UBE2D1: variants seen among roughly 807,000 people sequenced by gnomAD.
UBE2D1 encodes ubiquitin-conjugating enzyme E2 D1.
In UBE2D1, 9 loss-of-function variants were observed where a neutral mutation model predicts 24.6. The observed-to-expected ratio is 0.37, with a 90% CI of 0.22 to 0.64. The LOEUF (loss-of-function observed/expected upper bound fraction) is 0.64, where lower values mean the gene tolerates loss of function less well. Ranked by LOEUF, UBE2D1 falls within the 30% of genes least tolerant of loss-of-function variation. The probability of loss-of-function intolerance (pLI) is 0.64; values close to 1 mark genes in which losing one functional copy is unlikely to be tolerated. For synonymous variants in UBE2D1, 57 were observed against 57.6 expected (o/e 0.99, Z 0.04); for missense variants, 87 against 177.1 (o/e 0.49, Z 2.89).
At chr10:58,358,221 A>G (rs1355135974) in intron 1 of UBE2D1, among the ~76,000 whole-genome samples, 1 of 152,158 alleles carries the variant, frequency 6.6e-6, no homozygotes, top group Admixed American at 6.5e-5. Flanking sequence ...AAATATGTAC[A>G]TGCAAGTCAT....
chr10:58,353,698 T>C (rs968919798), intron 1 of UBE2D1, among the ~76,000 whole-genome samples: 5 of 152,240 alleles, frequency 3.3e-5, no homozygotes, highest in African/African-American at 4.8e-5. Context: ...TCTTTTGATA[T>C]TCATTTTTGT....
chr10:58,361,347 G>C lies in UBE2D1; in HGVS notation c.34G>C (p.Asp12His). 1 of 1,614,200 alleles carries C rather than the reference G, an allele frequency of 6.2e-7. No individual in the cohort carries two copies. Among genetic ancestry groups the C allele is most frequent in the South Asian group, 1.1e-5 (1 of 91,080 alleles). ...TTTTGATTTCCTTCAGGAATTGAGT[G>C]ATCTACAGCGCGATCCACCTGCTCA... is the stretch of plus-strand genomic sequence containing the variant. ...ALKRIQKELS[D>H]LQRDPPAHCS... is the part of the protein sequence containing the mutation. The change falls in exon 2 of 7, where the codon GAT becomes CAT. Residue 12 changes from aspartate (D) to histidine (H), a missense_variant. Transcript: ENST00000373910.
Position 58,370,392 on chromosome 10 carries a change from C to T in UBE2D1, c.*1627C>T, listed in dbSNP as rs570298183. On this transcript the variant is annotated 3_prime_UTR_variant, in exon 7 of 7. Transcript: ENST00000373910. ...GTCATGGTTCATTATTATTAAAGCA[C>T]AAAATAACCTATTGTTAGAAAATAT... is the stretch of plus-strand genomic sequence containing the variant. 5.9e-5 allele frequency: 9 copies of T among 152,150 alleles called. No individual in the cohort carries two copies. The East Asian group carries it at 1.7e-3, about 29-fold the overall frequency. The allele number at this position is 152,150 out of a possible 1,614,324, so 9.4% of individuals were successfully genotyped here.
chr10:58,362,739 A>G (rs1319542701), intron 3 of UBE2D1, among the ~76,000 whole-genome samples: 1 of 152,086 alleles, frequency 6.6e-6, no homozygotes, highest in Non-Finnish European at 1.5e-5. Flanking sequence ...TGTTTAAACA[A>G]TATATATAGT....
chr10:58,342,009 C>T (rs898121989), intron 1 of UBE2D1, among the ~76,000 whole-genome samples: 1 of 152,184 alleles, frequency 6.6e-6, no homozygotes, highest in Admixed American at 6.5e-5. Context: ...TGTCTGAAGG[C>T]AGGACAGGTT....
At chr10:58,353,345 A>G (rs1840097684) in intron 1 of UBE2D1, among the ~76,000 whole-genome samples, 1 of 152,160 alleles carries the variant, frequency 6.6e-6, no homozygotes, top group African/African-American at 2.4e-5. Flanking sequence ...CAAACAAACA[A>G]AATCTCTGTC....
chr10:58,367,225 G>A (rs1026557117), intron 5 of UBE2D1, among the ~76,000 whole-genome samples: 3 of 152,050 alleles, frequency 2.0e-5, no homozygotes, highest in Admixed American at 1.3e-4. Context: ...CTCCTCAGAA[G>A]TGGTGGCATG....
intron 1 of UBE2D1, among the ~76,000 whole-genome samples, chr10:58,355,489 G>T (rs908808004): frequency 6.6e-6 from 1 of 152,118 alleles, no homozygotes; most frequent in Non-Finnish European, 1.5e-5. Flanking sequence ...TTTTGAGGAA[G>T]AATATAAATA....
At chr10:58,348,568 C>T (rs1456702644) in intron 1 of UBE2D1, among the ~76,000 whole-genome samples, 8 of 152,096 alleles carry the variant, frequency 5.3e-5, no homozygotes, top group East Asian at 1.9e-4. Context: ...GTAAGTCAGC[C>T]GCTTGCATGG....
At chr10:58,340,906 A>C (rs1360516428) in intron 1 of UBE2D1, among the ~76,000 whole-genome samples, 9 of 152,186 alleles carry the variant, frequency 5.9e-5, no homozygotes, top group Non-Finnish European at 1.3e-4. Context: ...AAATGGGTTT[A>C]TGGGATATAA....
At chr10:58,346,045 C>T (rs1333855432) in intron 1 of UBE2D1, among the ~76,000 whole-genome samples, 1 of 148,210 alleles carries the variant, frequency 6.7e-6, no homozygotes, top group African/African-American at 2.5e-5. Flanking sequence ...GAGTCTCACT[C>T]TGTCACCCAG....
At chr10:58,347,065 C>T (rs1409253851) in intron 1 of UBE2D1, among the ~76,000 whole-genome samples, 1 of 152,160 alleles carries the variant, frequency 6.6e-6, no homozygotes, top group African/African-American at 2.4e-5. Flanking sequence ...AGTCTGGTCC[C>T]AGATATTAAG....
intron 1 of UBE2D1, among the ~76,000 whole-genome samples, chr10:58,359,946 C>T (rs1198359907): frequency 6.6e-6 from 1 of 152,128 alleles, no homozygotes; most frequent in Non-Finnish European, 1.5e-5. Flanking sequence ...AATCTAAGCC[C>T]CCATTTTTCT....
intron 6 of UBE2D1, 43 bp downstream of exon 6, chr10:58,368,059 A>T: frequency 1.5e-6 from 2 of 1,369,456 alleles, no homozygotes; most frequent in Non-Finnish European, 2.1e-6. Context: ...ATACATTCCT[A>T]TATAGTATGC....
chr10:58,348,664 A>G (rs1409092372), intron 1 of UBE2D1, among the ~76,000 whole-genome samples: 1 of 152,232 alleles, frequency 6.6e-6, no homozygotes, highest in Non-Finnish European at 1.5e-5. Flanking sequence ...TTGAAGCTAG[A>G]AAACAACAAA....
chr10:58,335,129 C>T lies in UBE2D1; in HGVS notation c.-73C>T, dbSNP rs1839886509. On this transcript the variant is annotated 5_prime_UTR_variant, in exon 1 of 7. Coordinates refer to ENST00000373910, the MANE Select transcript of UBE2D1 (RefSeq NM_003338.5). ...CAGCCTAGCTGCCAGCGAGCCCAAC[C>T]CGCGACGACCCACGCCCCTGAGCCC... 1.3e-6 allele frequency: 2 copies of T among 1,499,334 alleles called. No individual in the cohort carries two copies. Among genetic ancestry groups the T allele is most frequent in the Non-Finnish European group, 9.0e-7 (1 of 1,116,070 alleles). The allele number at this position is 1,499,334 out of a possible 1,614,324, so 92.9% of individuals were successfully genotyped here.
At chr10:58,347,639 C>CTTTTTTTTTTTTTT (rs774396274) in intron 1 of UBE2D1, among the ~76,000 whole-genome samples, 1 of 116,242 alleles carries the variant, frequency 8.6e-6, no homozygotes, top group African/African-American at 3.4e-5. Context: ...AAATTACACT[C>CTTTTTTTTTTTTTT]TTTTTTTTTT....
At chr10:58,350,344 T>C (rs916327026) in intron 1 of UBE2D1, among the ~76,000 whole-genome samples, 2 of 151,978 alleles carry the variant, frequency 1.3e-5, no homozygotes, top group African/African-American at 4.8e-5. Context: ...TGGTTTAAAT[T>C]TGCATATCCT....
At chr10:58,368,665 C>A in intron 6 of UBE2D1, 55 bp from the exon 7 acceptor site, 1 of 1,281,184 alleles carries the variant, frequency 7.8e-7, no homozygotes, top group Non-Finnish European at 1.1e-6. Flanking sequence ...TAGACAGATG[C>A]TTCTGAAATA....
Sources: gnomAD v4.1 joint callset for allele counts (sites outside exome capture counted in the v4.1 genomes callset) on GRCh38, gnomAD v4.1.1 for gene constraint, MANE v1.5 for transcripts, NCBI Gene and HGNC (gene_info 2026-07-23, HGNC 2026-07-21) for gene names.